Variants in SYNPO2 observed in about 807,000 individuals in gnomAD.
The protein encoded by SYNPO2 is synaptopodin 2.
A neutral mutation model predicts 85.0 loss-of-function variants in SYNPO2; 56 were observed. The observed-to-expected ratio is 0.66, with a 90% confidence interval of 0.53 to 0.82. The LOEUF (loss-of-function observed/expected upper bound fraction) is 0.82, where lower values mean the gene tolerates loss of function less well. Ranked by LOEUF, SYNPO2 falls within the 40% of genes least tolerant of loss-of-function variation. SYNPO2 has a pLI of 0.00. For missense variants in SYNPO2, 1,575 were observed against 1,534.2 expected (o/e 1.03, Z -0.44); for synonymous variants, 602 against 591.1 (o/e 1.02, Z -0.27).
intron 1 of SYNPO2, among the ~76,000 whole-genome samples, chr4:118,861,970 TGAACATGG>T (rs1731619292): frequency 6.6e-6 from 1 of 152,240 alleles, no homozygotes; most frequent in Non-Finnish European, 1.5e-5. Flanking sequence ...TTCCAATCCA[TGAACATGG>T]AATATCTTTC....
intron 1 of SYNPO2, among the ~76,000 whole-genome samples, chr4:119,019,521 G>T (rs547943733): frequency 1.5e-4 from 23 of 151,816 alleles, no homozygotes; most frequent in Non-Finnish European, 2.2e-4. Context: ...TCATAATATT[G>T]TCTGTTTTAA....
intron 1 of SYNPO2, among the ~76,000 whole-genome samples, chr4:119,003,137 G>C (rs1365129882): frequency 6.6e-6 from 1 of 152,158 alleles, no homozygotes; most frequent in East Asian, 1.9e-4. Context: ...CCAAGACTGG[G>C]TAATTTATGA....
intron 1 of SYNPO2, among the ~76,000 whole-genome samples, chr4:118,994,906 C>G (rs779248556): frequency 6.6e-6 from 1 of 152,046 alleles, no homozygotes; most frequent in Non-Finnish European, 1.5e-5. Context: ...GTACTTAGAC[C>G]CTTTGATTAA....
At chr4:118,897,173 T>C (rs1436414617) in intron 1 of SYNPO2, among the ~76,000 whole-genome samples, 2 of 152,132 alleles carry the variant, frequency 1.3e-5, no homozygotes, top group African/African-American at 2.4e-5. Flanking sequence ...ACATCCTACA[T>C]GGCATCAGGA....
chr4:118,973,821 A>C (rs962907256), intron 1 of SYNPO2, among the ~76,000 whole-genome samples: 8 of 152,228 alleles, frequency 5.3e-5, no homozygotes, highest in African/African-American at 1.9e-4. Context: ...CATAAAAGCT[A>C]TATAGGCTAC....
Position 119,037,042 on chromosome 4 carries a change from G to A in SYNPO2, c.3252+5015G>A, listed in dbSNP as rs1578668599. On this transcript the variant is annotated intron_variant, in intron 4 of 4. Coordinates refer to ENST00000307142, the MANE Select transcript of SYNPO2 (RefSeq NM_133477.3). Reference sequence around the variant, plus strand: ...TTTATTTTTTGGTTCCAAATGTAAAGCTCCTTGTGTTTACCTCTGTTTATG... The same window carrying A: ...TTTATTTTTTGGTTCCAAATGTAAAACTCCTTGTGTTTACCTCTGTTTATG... 4.5e-5 allele frequency: 65 copies of A among 1,431,042 alleles called. 1 individual carries two copies. The South Asian group carries it at 9.7e-4, about 21-fold the overall frequency. 88.6% of individuals were successfully genotyped at this position (1,431,042 alleles called of 1,614,324 possible).
intron 1 of SYNPO2, among the ~76,000 whole-genome samples, chr4:118,896,546 T>G (rs1447396036): frequency 6.6e-6 from 1 of 152,212 alleles, no homozygotes. Context: ...TGTCTGCTCT[T>G]TTGAGGGATA....
chr4:118,966,192 C>G (rs1165287921), intron 1 of SYNPO2, among the ~76,000 whole-genome samples: 2 of 152,164 alleles, frequency 1.3e-5, no homozygotes, highest in African/African-American at 4.8e-5. Context: ...GCAAAATTCT[C>G]AACCATTCAT....
At chr4:118,915,111 T>G (rs1733269757) in intron 1 of SYNPO2, among the ~76,000 whole-genome samples, 1 of 152,046 alleles carries the variant, frequency 6.6e-6, no homozygotes, top group African/African-American at 2.4e-5. Context: ...TTAAATTTAT[T>G]TTTAAATTTT....
At chr4:118,958,348 G>A (rs1188724022) in intron 1 of SYNPO2, among the ~76,000 whole-genome samples, 1 of 152,122 alleles carries the variant, frequency 6.6e-6, no homozygotes, top group Non-Finnish European at 1.5e-5. Flanking sequence ...TTTGAGATAT[G>A]TAATATTACT....
chr4:119,023,741 GTCAA>G (rs1398681113), intron 2 of SYNPO2, among the ~76,000 whole-genome samples, 160 bp downstream of exon 2: 1 of 152,210 alleles, frequency 6.6e-6, no homozygotes, highest in East Asian at 1.9e-4. Flanking sequence ...TTGAAAAATA[GTCAA>G]TTCTAGTCAA....
At chr4:118,993,632 G>C (rs931948596) in intron 1 of SYNPO2, among the ~76,000 whole-genome samples, 1 of 152,116 alleles carries the variant, frequency 6.6e-6, no homozygotes, top group Non-Finnish European at 1.5e-5. Flanking sequence ...TTAGACTACA[G>C]ACTCCCATGA....
At chr4:118,984,726 T>TG (rs1736152510) in intron 1 of SYNPO2, among the ~76,000 whole-genome samples, 2 of 152,368 alleles carry the variant, frequency 1.3e-5, no homozygotes, top group South Asian at 4.1e-4. Context: ...GTAAGTTTCC[T>TG]GGCCTAAGCA....
At chr4:119,007,216 GTATATATATATATATATA>G (rs66895824) in intron 1 of SYNPO2, among the ~76,000 whole-genome samples, 12 of 46,278 alleles carry the variant, frequency 2.6e-4, no homozygotes, top group Non-Finnish European at 4.3e-5. Flanking sequence ...AAGAACAAAG[GTATATATATATATATATA>G]TATATATATA....
At chr4:119,047,736 T>C (rs968052780) in intron 4 of SYNPO2, among the ~76,000 whole-genome samples, 1 of 152,218 alleles carries the variant, frequency 6.6e-6, no homozygotes, top group Non-Finnish European at 1.5e-5. Context: ...GTAAAGGGAT[T>C]CTATATCTCT....
At chr4:119,001,730 C>T (rs923560013) in intron 1 of SYNPO2, among the ~76,000 whole-genome samples, 1 of 152,086 alleles carries the variant, frequency 6.6e-6, no homozygotes, top group Non-Finnish European at 1.5e-5. Flanking sequence ...TTTTAGATTT[C>T]CCAAAAGCAA....
In SYNPO2 at chr4:119,030,033, G is replaced by C. The variant is rs778711586; in HGVS notation, c.1258G>C (p.Glu420Gln). The change falls in exon 4 of 5, where the codon GAG becomes CAG. Residue 420 changes from glutamate (E) to glutamine (Q), a missense_variant. Physicochemically the swap from Glu to Gln is conservative, Grantham distance 29. Transcript: ENST00000307142. ...CTACGGTACTGGCGAGCTTGAGCGA[G>C]AGGCGGACGAGGAGGAAGAAGGTGA... ...VSYGTGELER[E>Q]ADEEEEGDKE... 6.2e-7 allele frequency: 1 copy of C among 1,614,166 alleles called. No individual in the cohort carries two copies. The highest frequency in any genetic ancestry group is 1.1e-5 in the South Asian group (1 of 91,076).
chr4:118,861,965 A>G (rs1000192546), intron 1 of SYNPO2, among the ~76,000 whole-genome samples: 18 of 152,290 alleles, frequency 1.2e-4, no homozygotes, highest in Middle Eastern at 3.4e-3. Context: ...GATTCTTCCA[A>G]TCCATGAACA....
At chr4:118,871,292 A>G (rs997590626) in intron 1 of SYNPO2, among the ~76,000 whole-genome samples, 4 of 150,722 alleles carry the variant, frequency 2.7e-5, no homozygotes, top group African/African-American at 9.8e-5. Flanking sequence ...TTTTTGGATG[A>G]AGTTTTGCTC....
Sources: gnomAD v4.1 joint callset for allele counts (sites outside exome capture counted in the v4.1 genomes callset) on GRCh38, gnomAD v4.1.1 for gene constraint, MANE v1.5 for transcripts, NCBI Gene and HGNC (gene_info 2026-07-23, HGNC 2026-07-21) for gene names.